The following CCDC91 variants were observed in gnomAD, a reference collection of about 807,000 sequenced individuals.
CCDC91 encodes the protein coiled-coil domain containing 91.
A neutral mutation model predicts 63.2 loss-of-function variants in CCDC91; 48 were observed. The observed-to-expected ratio is 0.76, with a 90% CI of 0.60 to 0.97. The LOEUF (loss-of-function observed/expected upper bound fraction) is 0.97, where lower values mean the gene tolerates loss of function less well. CCDC91 is among the 50% of genes least tolerant of loss of function. CCDC91 has a pLI of 0.00. For missense variants in CCDC91, 500 were observed against 494.6 expected, an observed-to-expected ratio of 1.01 and a Z score of -0.10; for synonymous variants, 167 against 165.8, an observed-to-expected ratio of 1.01 and a Z score of -0.06.
intron 3 of CCDC91, among the ~76,000 whole-genome samples, chr12:28,274,883 A>T (rs893134775): frequency 1.4e-4 from 22 of 152,130 alleles, no homozygotes; most frequent in Admixed American, 1.4e-3. Flanking sequence ...ACTATGTTGA[A>T]TAGGAGTGGT....
intron 12 of CCDC91, among the ~76,000 whole-genome samples, chr12:28,520,384 C>T (rs948083088): frequency 3.3e-5 from 5 of 152,038 alleles, no homozygotes; most frequent in Middle Eastern, 3.4e-3. Context: ...GAGAAGTGTC[C>T]GTTCTTACCT....
chr12:28,450,345 G>T lies in CCDC91; in HGVS notation c.856-5G>T. 1.2e-6 allele frequency: 2 copies of T among 1,610,742 alleles called. No homozygotes were observed. Among genetic ancestry groups the T allele is most frequent in the South Asian group, 2.2e-5 (2 of 90,924 alleles). On this transcript the variant is annotated splice_region_variant and splice_polypyrimidine_tract_variant and intron_variant, in intron 9 of 12. Transcript: ENST00000536442. ...TGTCTTTCCAACTGTTTTATCATTT[G>T]ACAGGAAATATTGGAAAAGTGTTTG...
Position 28,503,303 on chromosome 12 carries a change from A to T in CCDC91, c.1215+19138A>T, listed in dbSNP as rs550001109. Among the ~76,000 whole-genome samples, 846 of 152,342 alleles carry T rather than the reference A, an allele frequency of 5.6e-3. 8 individuals carry two copies. The highest frequency in any genetic ancestry group is 0.02 in the African/African-American group (821 of 41,582). On this transcript the variant is annotated intron_variant, in intron 12 of 12. Coordinates refer to ENST00000536442, the MANE Select transcript of CCDC91 (RefSeq NM_018318.5). ...ATGAACAGTCACTTCTCAAAAGAAG[A>T]CATTTATGCAGCCAAAAAACACATG...
chr12:28,427,048 C>T (rs1375952336), intron 8 of CCDC91, among the ~76,000 whole-genome samples: 2 of 152,090 alleles, frequency 1.3e-5, no homozygotes, highest in Admixed American at 6.6e-5. Context: ...CTAAGAACTC[C>T]TCCTTATACA....
chr12:28,391,339 A>C lies in CCDC91; in HGVS notation c.690A>C (p.Glu230Asp), dbSNP rs1200575369. 6.2e-7 allele frequency: 1 copy of C among 1,613,014 alleles called. No individual in the cohort carries two copies. Among genetic ancestry groups the C allele is most frequent in the Non-Finnish European group, 8.5e-7 (1 of 1,179,168 alleles). The change falls in exon 8 of 13, where the codon GAA (glutamate) becomes GAC (aspartate). Residue 230 changes from glutamate (E) to aspartate (D), a missense_variant. Glu to Asp is a conservative substitution (Grantham distance 45). Transcript: ENST00000536442. The part of the protein sequence containing the change: ...LLQSSVKQQV[E>D]AIEKQYISAI... The stretch of plus-strand genomic sequence containing the variant: ...AGTCTTCAGTTAAGCAACAAGTAGA[A>C]GCTATTGAAAAACAGTACATTTCTG...
chr12:28,482,397 A>T (rs1386724257), intron 11 of CCDC91, among the ~76,000 whole-genome samples: 1 of 151,940 alleles, frequency 6.6e-6, no homozygotes, highest in Non-Finnish European at 1.5e-5. Context: ...GTACTCAGTG[A>T]TTGAAAATAA....
chr12:28,327,976 A>G (rs1015769959), intron 6 of CCDC91, among the ~76,000 whole-genome samples: 1 of 152,114 alleles, frequency 6.6e-6, no homozygotes, highest in Non-Finnish European at 1.5e-5. Context: ...TGTAGGCGTT[A>G]TGCTGGGTAA....
chr12:28,470,804 C>T (rs994204886), intron 11 of CCDC91, among the ~76,000 whole-genome samples: 8 of 152,030 alleles, frequency 5.3e-5, no homozygotes, highest in Admixed American at 5.2e-4. Flanking sequence ...AACTGGAGTT[C>T]CTAATGTGAA....
At chr12:28,495,244 T>C (rs936449356) in intron 12 of CCDC91, among the ~76,000 whole-genome samples, 4 of 151,746 alleles carry the variant, frequency 2.6e-5, no homozygotes, top group African/African-American at 4.8e-5. Context: ...ACCGTGGGCA[T>C]GTGAATTGAC....
At chr12:28,476,431 G>T (rs1951097221) in intron 11 of CCDC91, among the ~76,000 whole-genome samples, 1 of 152,076 alleles carries the variant, frequency 6.6e-6, no homozygotes, top group Non-Finnish European at 1.5e-5. Flanking sequence ...CGAGAACAAA[G>T]GCACAACATT....
chr12:28,415,411 C>T (rs1189669265), intron 8 of CCDC91, among the ~76,000 whole-genome samples: 10 of 151,856 alleles, frequency 6.6e-5, no homozygotes, highest in African/African-American at 9.7e-5. Flanking sequence ...TTAGTAGAGA[C>T]GGGGTTTCTC....
intron 1 of CCDC91, among the ~76,000 whole-genome samples, chr12:28,200,238 ATT>A (rs57613241): frequency 0.011 from 1,472 of 140,162 alleles, 31 homozygotes; most frequent in African/African-American, 0.033. Context: ...CTTCTAGTGA[ATT>A]TTTTTTTTTT....
chr12:28,227,414 T>C (rs200001107), intron 1 of CCDC91, among the ~76,000 whole-genome samples: 2 of 152,244 alleles, frequency 1.3e-5, no homozygotes, highest in East Asian at 3.9e-4. Context: ...TCTAAATATG[T>C]TTATCCTAGC....
At chr12:28,373,664 A>G (rs550237168) in intron 7 of CCDC91, among the ~76,000 whole-genome samples, 11 of 152,004 alleles carry the variant, frequency 7.2e-5, no homozygotes, top group Admixed American at 3.9e-4. Flanking sequence ...CCTTTGATCA[A>G]TTTTCCAGAG....
At chr12:28,265,594 CATTTT>C (rs1947134649) in intron 3 of CCDC91, among the ~76,000 whole-genome samples, 1 of 150,956 alleles carries the variant, frequency 6.6e-6, no homozygotes, top group Non-Finnish European at 1.5e-5. Flanking sequence ...ACAGATCGGT[CATTTT>C]ATTAATATCC....
intron 6 of CCDC91, among the ~76,000 whole-genome samples, chr12:28,334,175 T>A (rs780980243): frequency 7.2e-5 from 11 of 152,046 alleles, no homozygotes; most frequent in Non-Finnish European, 8.8e-5. Flanking sequence ...TGAGGCGCTA[T>A]ATGTGGCAGG....
At chr12:28,413,370 C>T (rs909842587) in intron 8 of CCDC91, among the ~76,000 whole-genome samples, 1 of 151,558 alleles carries the variant, frequency 6.6e-6, no homozygotes, top group Non-Finnish European at 1.5e-5. Flanking sequence ...CTGCTTCTTG[C>T]CTCTTCTCCC....
At position 28,485,586 on chromosome 12, in the gene CCDC91, T is replaced by C. The variant is rs145136014; in HGVS notation, c.1215+1421T>C. Among the ~76,000 whole-genome samples, 640 of 152,272 alleles carry C rather than the reference T, an allele frequency of 4.2e-3. 4 individuals are homozygous for C. Among genetic ancestry groups the C allele is most frequent in the African/African-American group, 0.015 (616 of 41,568 alleles). On this transcript the variant is annotated intron_variant, in intron 12 of 12. Transcript: ENST00000536442. ...GTCACCAGAGTAAAAACTTCCTAAG[T>C]AGTCTTTCCAGATAAATTAACCACT...
In CCDC91 at chr12:28,412,978, G is replaced by C. The variant is rs192015432; in HGVS notation, c.762+21567G>C. On this transcript the variant is annotated intron_variant, in intron 8 of 12. Transcript: ENST00000536442. ...ATAACTTTAAATCCTTTTTGGCCTG[G>C]AGATGGTACCAGTGGAATCTATATT... is the stretch of plus-strand genomic sequence containing the variant. 50 of 263,874 alleles carry C rather than the reference G, an allele frequency of 1.9e-4. 3 individuals are homozygous for C. In the East Asian group the frequency reaches 2.1e-3, roughly 11 times the overall value. 16.3% of individuals were successfully genotyped at this position (263,874 alleles called of 1,614,324 possible). A position where few individuals can be genotyped will look rare whatever the true frequency, so the allele number is the denominator to read the frequency against.
Sources: allele counts gnomAD v4.1 joint callset (sites outside exome capture counted in the v4.1 genomes callset), GRCh38; gene constraint gnomAD v4.1.1; transcripts MANE v1.5; gene names NCBI Gene and HGNC (gene_info 2026-07-23, HGNC 2026-07-21).